Variants in ATP8A2 observed in about 807,000 individuals in gnomAD.
The protein encoded by ATP8A2 is phospholipid-transporting ATPase IB.
ATP8A2 carries 100 observed loss-of-function variants against 165.6 expected under a neutral mutation model. That is an observed-to-expected ratio of 0.60 (90% CI 0.51 to 0.71). The LOEUF is 0.71. Among genes scored for constraint, ATP8A2 ranks in the 30% least tolerant of loss-of-function variants. The pLI, the probability that ATP8A2 is intolerant of heterozygous loss-of-function variation, is 0.00. For synonymous variants in ATP8A2, 543 were observed against 548.8 expected (o/e 0.99, Z 0.15); for missense variants, 1,227 against 1,479.5 (o/e 0.83, Z 2.80).
intron 27 of ATP8A2, among the ~76,000 whole-genome samples, chr13:25,797,747 C>T (rs549815542): frequency 6.6e-6 from 1 of 152,050 alleles, no homozygotes; most frequent in African/African-American, 2.4e-5. Context: ...CTCCCAGGGC[C>T]GATTAGCTGT....
At chr13:25,853,615 C>G (rs1952075624) in intron 30 of ATP8A2, among the ~76,000 whole-genome samples, 1 of 152,078 alleles carries the variant, frequency 6.6e-6, no homozygotes, top group Admixed American at 6.5e-5. Flanking sequence ...TGACTTTCAG[C>G]TTAGTCTCCC....
At chr13:25,732,499 A>T (rs919120984) in intron 25 of ATP8A2, among the ~76,000 whole-genome samples, 2 of 152,238 alleles carry the variant, frequency 1.3e-5, no homozygotes, top group Admixed American at 1.3e-4. Flanking sequence ...TAAATGAAAC[A>T]TCTCCTGAAT....
chr13:25,436,537 G>A (rs1471089879), intron 1 of ATP8A2, among the ~76,000 whole-genome samples: 1 of 152,118 alleles, frequency 6.6e-6, no homozygotes, highest in Non-Finnish European at 1.5e-5. Flanking sequence ...TTGATTCCAT[G>A]TCTTTGCTGT....
At chr13:25,840,509 G>A (rs537688760) in intron 30 of ATP8A2, among the ~76,000 whole-genome samples, 3 of 152,260 alleles carry the variant, frequency 2.0e-5, no homozygotes, top group East Asian at 1.9e-4. Context: ...CTTATGCCAC[G>A]TGATATAGTC....
At chr13:25,900,668 G>T (rs1256905833) in intron 33 of ATP8A2, among the ~76,000 whole-genome samples, 1 of 152,294 alleles carries the variant, frequency 6.6e-6, no homozygotes, top group Admixed American at 6.5e-5. Flanking sequence ...CGTTTTTAAG[G>T]TTTCTCCAAG....
At chr13:25,411,732 T>G (rs996208223) in intron 1 of ATP8A2, among the ~76,000 whole-genome samples, 1 of 152,194 alleles carries the variant, frequency 6.6e-6, no homozygotes, top group Non-Finnish European at 1.5e-5. Context: ...TATACATACA[T>G]GCATTAAAAA....
chr13:25,732,219 G>A (rs939219682), intron 25 of ATP8A2, among the ~76,000 whole-genome samples: 5 of 152,240 alleles, frequency 3.3e-5, no homozygotes, highest in African/African-American at 1.2e-4. Flanking sequence ...CACGTATGAT[G>A]CTTTCTGGGC....
At chr13:25,438,913 G>T (rs1000277175) in intron 1 of ATP8A2, among the ~76,000 whole-genome samples, 13 of 152,168 alleles carry the variant, frequency 8.5e-5, no homozygotes, top group Non-Finnish European at 1.2e-4. Context: ...TAGGAGTAAA[G>T]GACAGGAAGA....
chr13:25,635,640 G>A (rs1052446801), intron 24 of ATP8A2, among the ~76,000 whole-genome samples: 1 of 152,166 alleles, frequency 6.6e-6, no homozygotes, highest in Non-Finnish European at 1.5e-5. Flanking sequence ...GTCTGTTGGA[G>A]GCATCAGACA....
intron 1 of ATP8A2, among the ~76,000 whole-genome samples, chr13:25,393,679 GT>G (rs2033325951): frequency 6.6e-6 from 1 of 152,202 alleles, no homozygotes; most frequent in South Asian, 2.1e-4. Context: ...GCCTCCTAAA[GT>G]GCTGGGATTA....
Position 26,020,182 on chromosome 13 carries a change from G to A in ATP8A2, c.*197G>A, listed in dbSNP as rs1957062103. 1.7e-6 allele frequency: 1 copy of A among 588,588 alleles called. No individual in the cohort carries two copies. Among genetic ancestry groups the A allele is most frequent in the Non-Finnish European group, 3.0e-6 (1 of 331,286 alleles). The allele number at this position is 588,588 out of a possible 1,614,324, so 36.5% of individuals were successfully genotyped here. ...GCAGACCACAGGGGAAGCTATCTTT[G>A]CCCTCCCAACTCGTCTGCAGTGCTT... On this transcript the variant is annotated 3_prime_UTR_variant, in exon 37 of 37. Coordinates refer to ENST00000381655, the MANE Select transcript of ATP8A2 (RefSeq NM_016529.6).
rs1040774420 is a variant in ATP8A2 at position 25,906,888 on chromosome 13, CAGAT to C, written c.3183+44484_3183+44487del. 4.7e-4 allele frequency among the ~76,000 whole-genome samples: 71 copies of C among 152,268 alleles called. 1 individual carries two copies. Among genetic ancestry groups the C allele is most frequent in the African/African-American group, 1.5e-3 (63 of 41,562 alleles). On this transcript the variant is annotated intron_variant, in intron 33 of 36. Transcript: ENST00000381655. ...TATGTTTTGTTAATGAACAGTCAAA[CAGAT>C]AGAAAAGACTCACGAAACTGTTTAT...
At chr13:25,528,747 GTA>G (rs1394647565) in intron 2 of ATP8A2, among the ~76,000 whole-genome samples, 5 of 145,168 alleles carry the variant, frequency 3.4e-5, no homozygotes, top group African/African-American at 1.0e-4. Flanking sequence ...TGCAACTTGT[GTA>G]TGCATACATA....
intron 27 of ATP8A2, among the ~76,000 whole-genome samples, chr13:25,798,849 G>T (rs1566149492): frequency 6.6e-6 from 1 of 152,038 alleles, no homozygotes; most frequent in Non-Finnish European, 1.5e-5. Context: ...TTAGGGTCCT[G>T]GCTGGGCCTG....
chr13:25,385,621 T>C (rs2033012054), intron 1 of ATP8A2, among the ~76,000 whole-genome samples: 1 of 152,256 alleles, frequency 6.6e-6, no homozygotes, highest in Non-Finnish European at 1.5e-5. Flanking sequence ...TGGTAACTTC[T>C]CTTCATATAA....
chr13:25,430,005 A>AGTCACTGC (rs1566126109), intron 1 of ATP8A2, among the ~76,000 whole-genome samples: 1 of 152,186 alleles, frequency 6.6e-6, no homozygotes, highest in African/African-American at 2.4e-5. Flanking sequence ...AGGAGCCAGC[A>AGTCACTGC]ATCACAGAGG....
chr13:25,700,778 G>A (rs375375838), intron 25 of ATP8A2, among the ~76,000 whole-genome samples: 3 of 152,288 alleles, frequency 2.0e-5, no homozygotes, highest in East Asian at 3.9e-4. Context: ...GAGGAACTGC[G>A]AGATGGTTTT....
chr13:25,840,503 T>C (rs1449067140), intron 30 of ATP8A2, among the ~76,000 whole-genome samples: 1 of 152,248 alleles, frequency 6.6e-6, no homozygotes, highest in Non-Finnish European at 1.5e-5. Flanking sequence ...CATTTTCTTA[T>C]GCCACGTGAT....
intron 35 of ATP8A2, among the ~76,000 whole-genome samples, chr13:25,988,687 A>C (rs1260077194): frequency 6.6e-6 from 1 of 152,046 alleles, no homozygotes; most frequent in Non-Finnish European, 1.5e-5. Context: ...CCCACACCCC[A>C]CCTTATTTCC....
Sources: allele counts gnomAD v4.1 joint callset (sites outside exome capture counted in the v4.1 genomes callset), GRCh38; gene constraint gnomAD v4.1.1; transcripts MANE v1.5; gene names NCBI Gene and HGNC (gene_info 2026-07-23, HGNC 2026-07-21).